The following CDH4 variants were observed in gnomAD, a reference collection of about 807,000 sequenced individuals.
CDH4 encodes cadherin-4.
Under a neutral mutation model 86.0 loss-of-function variants are expected in CDH4, and 33 were observed. The ratio of observed to expected loss-of-function variants is 0.38; its 90% CI spans 0.29 to 0.51. The LOEUF (loss-of-function observed/expected upper bound fraction) is 0.51, where lower values mean the gene tolerates loss of function less well. CDH4 is among the 20% of genes least tolerant of loss of function. CDH4 has a pLI of 0.86. For synonymous variants in CDH4, 555 were observed against 549.4 expected, an observed-to-expected ratio of 1.01 and a Z score of -0.14; for missense variants, 1,114 against 1,307.4, an observed-to-expected ratio of 0.85 and a Z score of 2.28.
At chr20:61,297,129 T>G (rs1014834315) in intron 2 of CDH4, among the ~76,000 whole-genome samples, 8 of 152,196 alleles carry the variant, frequency 5.3e-5, no homozygotes, top group Non-Finnish European at 1.2e-4. Flanking sequence ...CTCATGCCTG[T>G]AATCCCAGCA....
chr20:61,697,112 C>T (rs1317689391), intron 2 of CDH4, among the ~76,000 whole-genome samples: 3 of 152,116 alleles, frequency 2.0e-5, no homozygotes, highest in African/African-American at 4.8e-5. Flanking sequence ...GTTGCAGCAG[C>T]CCCGGGAAGC....
intron 2 of CDH4, among the ~76,000 whole-genome samples, chr20:61,694,903 C>A (rs2087700504): frequency 6.6e-6 from 1 of 152,216 alleles, no homozygotes; most frequent in Non-Finnish European, 1.5e-5. Flanking sequence ...AGCTTCAGAT[C>A]CCGTGCGCCG....
chr20:61,360,806 C>G (rs1229915262), intron 2 of CDH4, among the ~76,000 whole-genome samples: 2 of 152,174 alleles, frequency 1.3e-5, no homozygotes, highest in Non-Finnish European at 2.9e-5. Context: ...CATACGAACT[C>G]AATTCTAGAA....
intron 2 of CDH4, among the ~76,000 whole-genome samples, chr20:61,274,861 G>A (rs1197551760): frequency 1.5e-4 from 19 of 125,838 alleles, no homozygotes; most frequent in Middle Eastern, 7.5e-3. Context: ...TACTGCATGC[G>A]GTTGTTTGGG....
rs201253759 is a variant in CDH4 at position 61,562,392 on chromosome 20, GGA to G, written c.170-181163_170-181162del. 5.2e-5 allele frequency among the ~76,000 whole-genome samples: 7 copies of G among 134,734 alleles called. No individual in the cohort carries two copies. The East Asian group carries it at 1.4e-3, about 27-fold the overall frequency. The allele number at this position is 134,734 out of a possible 152,430, so 88.4% of individuals were successfully genotyped here. On this transcript the variant is annotated intron_variant, in intron 2 of 15. Transcript: ENST00000614565. ...TGGAGAGGTGGACCCCAGGGCTCCCGGAGAGAGAGGGGGACCTTCGTGTGGAG... is the reference window on the plus strand; with the variant it reads ...TGGAGAGGTGGACCCCAGGGCTCCCGGAGAGAGGGGGACCTTCGTGTGGAG...
At chr20:61,290,608 A>G (rs1369066619) in intron 2 of CDH4, among the ~76,000 whole-genome samples, 1 of 152,224 alleles carries the variant, frequency 6.6e-6, no homozygotes, top group African/African-American at 2.4e-5. Flanking sequence ...GTCCTTGCAG[A>G]TGGCATGGGC....
chr20:61,711,240 G>A (rs184441127), intron 2 of CDH4, among the ~76,000 whole-genome samples: 43 of 152,298 alleles, frequency 2.8e-4, no homozygotes, highest in African/African-American at 1.0e-3. Context: ...GAAGGAGGAT[G>A]TGTTTGCTTC....
rs926893775 is a variant in CDH4, at chr20:61,939,683, G to C, written c.*2740G>C. 5 of 152,296 alleles carry C rather than the reference G, an allele frequency of 3.3e-5. No individual in the cohort carries two copies. Among genetic ancestry groups the C allele is most frequent in the Non-Finnish European group, 7.3e-5 (5 of 68,078 alleles). The allele number at this position is 152,296 out of a possible 1,614,324, so 9.4% of individuals were successfully genotyped here. On this transcript the variant is annotated 3_prime_UTR_variant, in exon 16 of 16. Transcript: ENST00000614565. The stretch of plus-strand genomic sequence containing the variant: ...ATCAGGGGACTCCCACTGGAGGCCG[G>C]GAGGCCAATGCTGGCCAGGTGCGAG...
intron 2 of CDH4, among the ~76,000 whole-genome samples, chr20:61,568,959 C>T (rs749017550): frequency 1.9e-5 from 2 of 106,156 alleles, no homozygotes; most frequent in Middle Eastern, 3.8e-3. Context: ...AGTAGGTCCT[C>T]GCTCAAGACT....
At chr20:61,284,129 A>T (rs1487547528) in intron 2 of CDH4, among the ~76,000 whole-genome samples, 74 of 142,990 alleles carry the variant, frequency 5.2e-4, no homozygotes, top group South Asian at 1.2e-3. Context: ...CACGGTGAAA[A>T]CCCATCTCTA....
At chr20:61,349,900 C>T (rs2084700471) in intron 2 of CDH4, among the ~76,000 whole-genome samples, 1 of 152,168 alleles carries the variant, frequency 6.6e-6, no homozygotes, top group South Asian at 2.1e-4. Flanking sequence ...GCAGCTCATG[C>T]TACCATTCGA....
chr20:61,660,791 G>A (rs2087245612), intron 2 of CDH4, among the ~76,000 whole-genome samples: 1 of 152,136 alleles, frequency 6.6e-6, no homozygotes. Context: ...AGAAGTAGGT[G>A]CTTCGTGGAG....
At chr20:61,838,636 G>A (rs906397479) in intron 4 of CDH4, among the ~76,000 whole-genome samples, 4 of 151,892 alleles carry the variant, frequency 2.6e-5, no homozygotes, top group Non-Finnish European at 5.9e-5. Context: ...GTGAAACCCC[G>A]TCTCTCCTAA....
At chr20:61,617,232 C>G (rs2086732518) in intron 2 of CDH4, among the ~76,000 whole-genome samples, 1 of 152,200 alleles carries the variant, frequency 6.6e-6, no homozygotes, top group Non-Finnish European at 1.5e-5. Context: ...TCGTGTCTGC[C>G]TGTCTTTCCT....
intron 4 of CDH4, among the ~76,000 whole-genome samples, chr20:61,774,857 G>A (rs539612077): frequency 7.2e-5 from 11 of 152,134 alleles, no homozygotes; most frequent in South Asian, 4.1e-4. Context: ...ACATGATCTC[G>A]TTCCTTTTTA....
At chr20:61,536,090 C>A (rs937230175) in intron 2 of CDH4, among the ~76,000 whole-genome samples, 1 of 152,194 alleles carries the variant, frequency 6.6e-6, no homozygotes, top group African/African-American at 2.4e-5. Flanking sequence ...GGGAATGGCC[C>A]AGTGAGTGGC....
chr20:61,923,872 C>A (rs1278325804), intron 10 of CDH4, among the ~76,000 whole-genome samples, 168 bp downstream of exon 10: 1 of 152,224 alleles, frequency 6.6e-6, no homozygotes, highest in Non-Finnish European at 1.5e-5. Context: ...GCCCCTTAGT[C>A]CCAGATAGCC....
intron 2 of CDH4, among the ~76,000 whole-genome samples, chr20:61,443,692 G>A (rs1441099317): frequency 2.0e-5 from 3 of 152,162 alleles, no homozygotes; most frequent in Non-Finnish European, 4.4e-5. Context: ...TAAAATGAGC[G>A]CATCCGAAGG....
chr20:61,797,942 G>A (rs1344745853), intron 4 of CDH4, among the ~76,000 whole-genome samples: 3 of 152,186 alleles, frequency 2.0e-5, no homozygotes, highest in East Asian at 1.9e-4. Flanking sequence ...CGGGCCTCAC[G>A]GGGCCCTGTG....
Sources: allele counts gnomAD v4.1 joint callset (sites outside exome capture counted in the v4.1 genomes callset), GRCh38; gene constraint gnomAD v4.1.1; transcripts MANE v1.5; gene names NCBI Gene and HGNC (gene_info 2026-07-23, HGNC 2026-07-21).